The following KCNA6 variants were observed in gnomAD, a reference collection of about 807,000 sequenced individuals.
KCNA6 encodes human brain potassium channel-2.
In KCNA6, 17 loss-of-function variants were observed where a neutral mutation model predicts 29.5. The observed-to-expected ratio is 0.58, with a 90% CI of 0.39 to 0.86. The LOEUF (loss-of-function observed/expected upper bound fraction) is 0.86, where lower values mean the gene tolerates loss of function less well. Ranked by LOEUF, KCNA6 falls within the 40% of genes least tolerant of loss-of-function variation. KCNA6 has a pLI of 0.00. For missense variants in KCNA6, 450 were observed against 703.4 expected, an observed-to-expected ratio of 0.64 and a Z score of 4.07; for synonymous variants, 296 against 304.7, an observed-to-expected ratio of 0.97 and a Z score of 0.30.
the KCNA6 span, among the ~76,000 whole-genome samples, chr12:4,834,710 C>T: frequency 6.6e-6 from 1 of 152,166 alleles, no homozygotes; most frequent in Non-Finnish European, 1.5e-5. Flanking sequence ...TCAGGGCTCT[C>T]CAGTAAAAGA....
the KCNA6 span, among the ~76,000 whole-genome samples, chr12:4,833,058 C>A: frequency 6.6e-6 from 1 of 152,036 alleles, no homozygotes; most frequent in South Asian, 2.1e-4. Flanking sequence ...CTGCATGTAA[C>A]AGTGGCATTA....
At chr12:4,828,781 G>A in the KCNA6 span, among the ~76,000 whole-genome samples, 1 of 152,174 alleles carries the variant, frequency 6.6e-6, no homozygotes, top group East Asian at 1.9e-4. Context: ...CTCCAGAGTC[G>A]TGCTCTTATC....
chr12:4,849,495 T>G, the KCNA6 span, among the ~76,000 whole-genome samples: 1 of 135,368 alleles, frequency 7.4e-6, no homozygotes, highest in Non-Finnish European at 1.6e-5. Flanking sequence ...TGCTCTTTTT[T>G]TTTTTTTTTT....
chr12:4,843,306 G>A, the KCNA6 span, among the ~76,000 whole-genome samples: 6 of 151,284 alleles, frequency 4.0e-5, no homozygotes, highest in East Asian at 9.8e-4. Context: ...TCAGCCTCCC[G>A]TGTAGCTGGG....
At chr12:4,818,751 T>C in the KCNA6 span, among the ~76,000 whole-genome samples, 1 of 152,136 alleles carries the variant, frequency 6.6e-6, no homozygotes, top group Non-Finnish European at 1.5e-5. Flanking sequence ...TAAATGTGTT[T>C]ATAGACTTCT....
chr12:4,824,960 A>C, the KCNA6 span, among the ~76,000 whole-genome samples: 1 of 152,244 alleles, frequency 6.6e-6, no homozygotes, highest in Non-Finnish European at 1.5e-5. Context: ...GAATTCTAAA[A>C]GTCATGGAAT....
chr12:4,827,224 C>CCTTCCTTCCTTCCTTG, the KCNA6 span, among the ~76,000 whole-genome samples: 3 of 144,476 alleles, frequency 2.1e-5, no homozygotes, highest in Non-Finnish European at 4.6e-5. Flanking sequence ...TTCCTTCCTT[C>CCTTCCTTCCTTCCTTG]CTTCCTCCTT....
In KCNA6 at chr12:4,811,554, A is replaced by T; in HGVS notation, c.1513A>T (p.Asn505Tyr). 1 of 1,614,224 alleles carries T rather than the reference A, an allele frequency of 6.2e-7. No homozygotes were observed. The highest frequency in any genetic ancestry group is 8.5e-7 in the Non-Finnish European group (1 of 1,180,034). The stretch of plus-strand genomic sequence containing the variant: ...TGGCAAGCCTGACTTCCCCGAGGCT[A>T]ACCGGGAACGGAGACCCAGCTACCT... Residue 505 changes from asparagine (N) to tyrosine (Y), a missense_variant, in exon 1 of 1, where the codon AAC (asparagine) becomes TAC (tyrosine). Around this residue, in one of 7 missense-constraint regions of KCNA6, gnomAD observed 56 missense variants for 65.2 expected, o/e 0.86. Transcript: ENST00000280684. This position sits in a 1 kb window ranked among gnomAD's most constrained non-coding sequence, Gnocchi z 7.1.
chr12:4,850,076 T>C, the KCNA6 span, among the ~76,000 whole-genome samples: 1 of 151,956 alleles, frequency 6.6e-6, no homozygotes, highest in African/African-American at 2.4e-5. This position sits in a 1 kb window ranked among gnomAD's most constrained non-coding sequence, Gnocchi z 5.4. Flanking sequence ...GTGGGCCAGA[T>C]GGTAAAGGCA....
At chr12:4,817,328 C>T (rs61907137), downstream of KCNA6, among the ~76,000 whole-genome samples, 19,230 of 152,134 alleles carry the variant, frequency 0.13, 1,301 homozygotes, top group South Asian at 0.16. Context: ...AGACATAGGC[C>T]GCGGGGAAGA....
downstream of KCNA6, among the ~76,000 whole-genome samples, chr12:4,818,370 C>A (rs2137585209): frequency 6.6e-6 from 1 of 152,316 alleles, no homozygotes; most frequent in East Asian, 1.9e-4. Context: ...GCTCAAATCC[C>A]TCCTTTGCTG....
the KCNA6 span, among the ~76,000 whole-genome samples, chr12:4,832,932 G>T: frequency 1.3e-5 from 2 of 152,008 alleles, no homozygotes; most frequent in African/African-American, 2.4e-5. Flanking sequence ...ACCTCAGGGG[G>T]GTCAACAACC....
At chr12:4,823,687 C>T in the KCNA6 span, among the ~76,000 whole-genome samples, 1 of 152,024 alleles carries the variant, frequency 6.6e-6, no homozygotes, top group African/African-American at 2.4e-5. Flanking sequence ...GAATTGCTTG[C>T]ACCAGGGAGG....
the KCNA6 span, among the ~76,000 whole-genome samples, chr12:4,833,816 A>G: frequency 6.6e-6 from 1 of 152,176 alleles, no homozygotes; most frequent in African/African-American, 2.4e-5. Flanking sequence ...TCCTAACCAG[A>G]ATAGACCAAC....
the KCNA6 span, among the ~76,000 whole-genome samples, chr12:4,848,568 C>G: frequency 6.6e-6 from 1 of 151,566 alleles, no homozygotes; most frequent in Non-Finnish European, 1.5e-5. Context: ...GAGTTTTGCT[C>G]TTGTTGCCCA....
At chr12:4,823,717 A>T in the KCNA6 span, among the ~76,000 whole-genome samples, 1 of 152,214 alleles carries the variant, frequency 6.6e-6, no homozygotes, top group Non-Finnish European at 1.5e-5. Flanking sequence ...CAGTGAGCTG[A>T]GACTGCGCCA....
At chr12:4,822,736 G>A in the KCNA6 span, among the ~76,000 whole-genome samples, 7 of 152,224 alleles carry the variant, frequency 4.6e-5, no homozygotes, top group Non-Finnish European at 8.8e-5. Context: ...CTGAGTGGGC[G>A]TCAGAGTGGG....
chr12:4,838,113 C>G, the KCNA6 span, among the ~76,000 whole-genome samples: 20 of 152,276 alleles, frequency 1.3e-4, no homozygotes, highest in East Asian at 3.7e-3. Context: ...AGTTCCACCT[C>G]CTGTGGCCAT....
At chr12:4,846,872 G>C in the KCNA6 span, among the ~76,000 whole-genome samples, 1 of 148,524 alleles carries the variant, frequency 6.7e-6, no homozygotes, top group Non-Finnish European at 1.5e-5. Flanking sequence ...TCTGCCTCCT[G>C]GGTTCACGCC....
Sources: gnomAD v4.1 joint callset for allele counts (sites outside exome capture counted in the v4.1 genomes callset) on GRCh38, gnomAD v4.1.1 for gene constraint, gnomAD v4.1.1 regional missense constraint, Gnocchi (gnomAD v3.1) non-coding constraint, MANE v1.5 for transcripts, NCBI Gene and HGNC (gene_info 2026-07-23, HGNC 2026-07-21) for gene names.